Variants in DPP6 observed in about 807,000 individuals in gnomAD.
DPP6 encodes the protein dipeptidyl peptidase like 6.
A neutral mutation model predicts 122.6 loss-of-function variants in DPP6; 69 were observed. The observed-to-expected ratio is 0.56, with a 90% CI of 0.46 to 0.69. The LOEUF (loss-of-function observed/expected upper bound fraction) is 0.69. Among genes scored for constraint, DPP6 ranks in the 30% least tolerant of loss-of-function variants. The probability of loss-of-function intolerance (pLI) is 0.00; values close to 1 mark genes in which losing one functional copy is unlikely to be tolerated. For missense variants in DPP6, 928 were observed against 1,116.9 expected (o/e 0.83, Z 2.41); for synonymous variants, 418 against 433.1 (o/e 0.97, Z 0.43).
chr7:154,555,582 G>A (rs1057442990), intron 4 of DPP6, among the ~76,000 whole-genome samples: 34 of 151,882 alleles, frequency 2.2e-4, no homozygotes, highest in African/African-American at 7.0e-4. Flanking sequence ...AAACCTGCAT[G>A]TTGCGCACAT....
intron 1 of DPP6, among the ~76,000 whole-genome samples, chr7:154,313,679 G>A (rs57926262): frequency 2.8e-4 from 10 of 35,658 alleles, no homozygotes; most frequent in Admixed American, 2.7e-3. Flanking sequence ...GATATTTTAA[G>A]ATATGGTATA....
At chr7:154,458,272 T>G (rs944343911) in intron 2 of DPP6, among the ~76,000 whole-genome samples, 2 of 152,190 alleles carry the variant, frequency 1.3e-5, no homozygotes, top group Non-Finnish European at 2.9e-5. Context: ...TGAATAAGTC[T>G]CATGAGACCT....
At chr7:154,372,590 C>G (rs928606597) in intron 1 of DPP6, among the ~76,000 whole-genome samples, 6 of 152,176 alleles carry the variant, frequency 3.9e-5, no homozygotes, top group Non-Finnish European at 8.8e-5. Flanking sequence ...TCCAGAGATG[C>G]TTTTTTAAAA....
intron 1 of DPP6, among the ~76,000 whole-genome samples, chr7:154,274,971 G>T (rs1187567499): frequency 6.6e-6 from 1 of 152,244 alleles, no homozygotes; most frequent in African/African-American, 2.4e-5. Flanking sequence ...TGGGATCCTT[G>T]TGCAGTTGGC....
chr7:154,804,489 T>G (rs1798570868), intron 14 of DPP6, among the ~76,000 whole-genome samples: 1 of 152,250 alleles, frequency 6.6e-6, no homozygotes, highest in Admixed American at 6.5e-5. Context: ...AAGCCAAGGT[T>G]TCTGCATTGG....
chr7:154,488,494 G>T (rs757566646), intron 3 of DPP6, among the ~76,000 whole-genome samples: 1 of 150,846 alleles, frequency 6.6e-6, no homozygotes, highest in African/African-American at 2.4e-5. Flanking sequence ...AATAAGAAAC[G>T]CACATCTGAT....
rs78891244 is a variant in DPP6 at position 154,859,458 on chromosome 7, G to A, written c.1714+5631G>A. Among the ~76,000 whole-genome samples the A allele has an allele frequency of 3.9e-3, 596 of 152,344 alleles. 14 individuals are homozygous for A. In the East Asian group the frequency reaches 0.056, roughly 14 times the overall value. On this transcript the variant is annotated intron_variant, in intron 17 of 25. Coordinates refer to ENST00000377770, the MANE Select transcript of DPP6 (RefSeq NM_130797.4). ...CAGCTAGCAAAGGGGGCTCTGGAAG[G>A]CTGGGACCCGTCTTTATCATACTAT...
chr7:153,859,872 C>G, the DPP6 span, among the ~76,000 whole-genome samples: 6 of 152,196 alleles, frequency 3.9e-5, no homozygotes, highest in African/African-American at 1.4e-4. Flanking sequence ...TGAGAACTCA[C>G]TCAATATCAT....
intron 7 of DPP6, among the ~76,000 whole-genome samples, chr7:154,713,647 G>A (rs911948643): frequency 3.3e-5 from 5 of 152,210 alleles, no homozygotes; most frequent in African/African-American, 1.2e-4. Flanking sequence ...TGGCTGGAGT[G>A]GCTGGGACAC....
chr7:153,787,603 A>G, the DPP6 span, among the ~76,000 whole-genome samples: 3 of 139,894 alleles, frequency 2.1e-5, no homozygotes, highest in South Asian at 7.6e-4. Flanking sequence ...CTGCCTCTAC[A>G]AAAATAAAAA....
intron 6 of DPP6, among the ~76,000 whole-genome samples, chr7:154,640,478 CG>C (rs1222784427): frequency 2.0e-5 from 3 of 152,184 alleles, no homozygotes; most frequent in African/African-American, 7.2e-5. Context: ...GCCCCTGAAG[CG>C]GCGTTGCTCA....
chr7:154,373,778 G>A (rs948427780), intron 1 of DPP6, among the ~76,000 whole-genome samples: 2 of 152,018 alleles, frequency 1.3e-5, no homozygotes, highest in African/African-American at 4.8e-5. Context: ...AATTCAACAC[G>A]CGCTCCCCAT....
the DPP6 span, among the ~76,000 whole-genome samples, chr7:153,749,245 C>T: frequency 6.6e-6 from 1 of 152,180 alleles, no homozygotes; most frequent in African/African-American, 2.4e-5. The surrounding 1 kb of genome is among the most constrained non-coding windows in gnomAD (Gnocchi z 4.1). Flanking sequence ...CCCGTGCATC[C>T]GCTCCCGCCG....
intron 1 of DPP6, among the ~76,000 whole-genome samples, chr7:154,320,001 A>AATATATATATATATATATAT (rs71182894): frequency 1.6e-4 from 22 of 139,312 alleles, no homozygotes; most frequent in African/African-American, 4.4e-4. Flanking sequence ...AAATATTTCA[A>AATATATATATATATATATAT]ATATATATAT....
intron 3 of DPP6, among the ~76,000 whole-genome samples, chr7:154,493,078 C>A (rs1824426920): frequency 6.6e-6 from 1 of 152,104 alleles, no homozygotes; most frequent in Non-Finnish European, 1.5e-5. Flanking sequence ...ATGAAAGCAG[C>A]CTGGAAATGA....
intron 19 of DPP6, among the ~76,000 whole-genome samples, chr7:154,873,824 GCATA>G (rs1019803302): frequency 1.3e-3 from 104 of 79,786 alleles, no homozygotes; most frequent in African/African-American, 3.7e-3. Flanking sequence ...ATGCACACAC[GCATA>G]CATAAACACA....
intron 25 of DPP6, chr7:154,889,734 C>G (rs551581468): frequency 1.3e-6 from 1 of 793,944 alleles, no homozygotes; most frequent in African/African-American, 1.7e-5. Context: ...CTCTGTACTT[C>G]AGCCCGGTTT....
chr7:154,313,415 G>A (rs77191777), intron 1 of DPP6, among the ~76,000 whole-genome samples: 7,544 of 152,028 alleles, frequency 0.05, 511 homozygotes, highest in African/African-American at 0.15. Context: ...ACAGCAATGG[G>A]CTTGTAAAGT....
chr7:154,050,978 G>A (rs1316560793), upstream of DPP6, among the ~76,000 whole-genome samples: 4 of 147,124 alleles, frequency 2.7e-5, no homozygotes, highest in Admixed American at 6.9e-5. Flanking sequence ...CTTGTTCACC[G>A]GCATCCAGTA....
Sources: allele counts gnomAD v4.1 joint callset (sites outside exome capture counted in the v4.1 genomes callset), GRCh38; gene constraint gnomAD v4.1.1; non-coding constraint Gnocchi (gnomAD v3.1); transcripts MANE v1.5; gene names NCBI Gene and HGNC (gene_info 2026-07-23, HGNC 2026-07-21).